Variants in MBOAT2 observed in about 807,000 individuals in gnomAD.
The protein encoded by MBOAT2 is membrane-bound glycerophospholipid O-acyltransferase 2.
In MBOAT2, 28 loss-of-function variants were observed where a neutral mutation model predicts 63.4. The ratio of observed to expected loss-of-function variants is 0.44; its 90% CI spans 0.33 to 0.61. The LOEUF (loss-of-function observed/expected upper bound fraction) is 0.61. Ranked by LOEUF, MBOAT2 falls within the 20% of genes least tolerant of loss-of-function variation. The pLI is 0.03. For synonymous variants in MBOAT2, 211 were observed against 215.6 expected (o/e 0.98, Z 0.19); for missense variants, 470 against 605.8 (o/e 0.78, Z 2.35).
At chr2:8,865,865 T>C (rs1286947820) in intron 9 of MBOAT2, among the ~76,000 whole-genome samples, 1 of 152,110 alleles carries the variant, frequency 6.6e-6, no homozygotes, top group Non-Finnish European at 1.5e-5. Context: ...GGTGAAAAGC[T>C]GTCTCTGCTA....
At chr2:8,984,661 C>T (rs1253017798) in intron 1 of MBOAT2, among the ~76,000 whole-genome samples, 1 of 151,910 alleles carries the variant, frequency 6.6e-6, no homozygotes, top group Non-Finnish European at 1.5e-5. Flanking sequence ...AAATAAAGAA[C>T]TAGGGGGGAG....
intron 2 of MBOAT2, among the ~76,000 whole-genome samples, chr2:8,949,683 C>T (rs1668678530): frequency 6.6e-6 from 1 of 152,074 alleles, no homozygotes; most frequent in Admixed American, 6.5e-5. Flanking sequence ...GTCTTCTATT[C>T]TGTTCCATTG....
intron 1 of MBOAT2, among the ~76,000 whole-genome samples, chr2:8,964,231 T>A (rs1266408683): frequency 6.6e-6 from 1 of 152,264 alleles, no homozygotes; most frequent in Admixed American, 6.5e-5. Flanking sequence ...CATATTTTTA[T>A]ACTTTTGCTA....
chr2:8,911,412 A>C (rs1665698986), intron 3 of MBOAT2, among the ~76,000 whole-genome samples: 1 of 152,198 alleles, frequency 6.6e-6, no homozygotes, highest in African/African-American at 2.4e-5. Flanking sequence ...TGCCATCAAT[A>C]ACATCCCTCC....
intron 3 of MBOAT2, among the ~76,000 whole-genome samples, chr2:8,931,541 T>C (rs556894077): frequency 1.7e-4 from 26 of 152,222 alleles, no homozygotes; most frequent in Non-Finnish European, 3.1e-4. Context: ...GTAGGTGGAC[T>C]GTTCACTCTG....
intron 3 of MBOAT2, among the ~76,000 whole-genome samples, chr2:8,923,660 C>T (rs1666738579): frequency 6.6e-6 from 1 of 152,154 alleles, no homozygotes; most frequent in Admixed American, 6.5e-5. Flanking sequence ...ACCCATCAGG[C>T]TGACACCCTG....
intron 3 of MBOAT2, among the ~76,000 whole-genome samples, chr2:8,918,457 A>G (rs896317645): frequency 6.6e-6 from 1 of 152,222 alleles, no homozygotes; most frequent in African/African-American, 2.4e-5. Context: ...CAGAATTATC[A>G]AATGTAACAC....
intron 3 of MBOAT2, among the ~76,000 whole-genome samples, chr2:8,934,056 A>G (rs1667501493): frequency 1.3e-5 from 2 of 152,230 alleles, no homozygotes; most frequent in Non-Finnish European, 2.9e-5. Context: ...TGATGGCACA[A>G]TGCTATGTTC....
chr2:8,948,184 C>G (rs1171506665), intron 2 of MBOAT2, among the ~76,000 whole-genome samples: 1 of 152,060 alleles, frequency 6.6e-6, no homozygotes, highest in Non-Finnish European at 1.5e-5. Context: ...AGAAGTGAAG[C>G]CTAAAGATGT....
chr2:8,888,994 T>C (rs753528062), intron 4 of MBOAT2, among the ~76,000 whole-genome samples: 1 of 152,326 alleles, frequency 6.6e-6, no homozygotes, highest in Non-Finnish European at 1.5e-5. Context: ...AACAATAATA[T>C]AATAAACCCA....
chr2:8,904,453 A>C (rs1169768814), intron 4 of MBOAT2, among the ~76,000 whole-genome samples: 1 of 151,952 alleles, frequency 6.6e-6, no homozygotes, highest in Non-Finnish European at 1.5e-5. Context: ...CTGGGACTAC[A>C]GGCACACAGC....
chr2:8,968,487 G>A (rs1422554444), intron 1 of MBOAT2, among the ~76,000 whole-genome samples: 3 of 152,220 alleles, frequency 2.0e-5, no homozygotes, highest in Non-Finnish European at 4.4e-5. Flanking sequence ...CCCTTCCAAA[G>A]GAATGCAGCT....
rs886486614 is a variant in MBOAT2 at position 8,860,022 on chromosome 2, A to G, written c.1337+591T>C. 2.1e-5 allele frequency among the ~76,000 whole-genome samples: 3 copies of G among 143,584 alleles called. No individual in the cohort carries two copies. In the Admixed American group the frequency reaches 2.1e-4, roughly 10 times the overall value. 94.2% of individuals were successfully genotyped at this position (143,584 alleles called of 152,430 possible). Reference sequence around the variant, plus strand: ...AAGATGGTGAAACCCCATCTCTACTAAAAAAAAAAACAAAAATTAGCCGGG... The same window carrying G: ...AAGATGGTGAAACCCCATCTCTACTGAAAAAAAAAACAAAAATTAGCCGGG... On this transcript the variant is annotated intron_variant, in intron 12 of 12. Coordinates refer to ENST00000305997, the MANE Select transcript of MBOAT2 (RefSeq NM_138799.4).
chr2:8,977,624 G>A (rs1236961768), intron 1 of MBOAT2, among the ~76,000 whole-genome samples: 1 of 152,144 alleles, frequency 6.6e-6, no homozygotes, highest in Non-Finnish European at 1.5e-5. Flanking sequence ...TGGCTCTGAA[G>A]TGAGCTCTAT....
At chr2:8,940,696 G>A (rs1365312330) in intron 3 of MBOAT2, among the ~76,000 whole-genome samples, 10 of 151,840 alleles carry the variant, frequency 6.6e-5, no homozygotes, top group South Asian at 2.1e-4. Context: ...GTGTGTGTGT[G>A]TATATATATA....
At chr2:8,942,551 A>G (rs1282429744) in intron 3 of MBOAT2, among the ~76,000 whole-genome samples, 1 of 152,128 alleles carries the variant, frequency 6.6e-6, no homozygotes, top group Non-Finnish European at 1.5e-5. Context: ...TACACAGCAA[A>G]ACTTCATTGA....
At chr2:8,860,294 G>C (rs1322144609) in intron 12 of MBOAT2, among the ~76,000 whole-genome samples, 1 of 151,632 alleles carries the variant, frequency 6.6e-6, no homozygotes, top group South Asian at 2.1e-4. Context: ...TTTAGGAGAG[G>C]TTAGCTGGTT....
intron 1 of MBOAT2, among the ~76,000 whole-genome samples, chr2:9,001,939 C>G (rs1672718740): frequency 6.6e-6 from 1 of 152,164 alleles, no homozygotes; most frequent in Non-Finnish European, 1.5e-5. Context: ...AAACCTATCT[C>G]CCTTGCTCCT....
chr2:8,994,549 G>T (rs964946797), intron 1 of MBOAT2, among the ~76,000 whole-genome samples: 1 of 152,340 alleles, frequency 6.6e-6, no homozygotes, highest in Middle Eastern at 3.4e-3. Flanking sequence ...AATACCAGGG[G>T]CCTCTCTTCT....
Sources: allele counts gnomAD v4.1 joint callset (sites outside exome capture counted in the v4.1 genomes callset), GRCh38; gene constraint gnomAD v4.1.1; transcripts MANE v1.5; gene names NCBI Gene and HGNC (gene_info 2026-07-23, HGNC 2026-07-21).